The following ARHGEF12 variants were observed in gnomAD, a reference collection of about 807,000 sequenced individuals.
ARHGEF12 encodes Rho guanine nucleotide exchange factor 12, also known as KMT2A/ARHGEF12 fusion protein.
ARHGEF12 carries 66 observed loss-of-function variants against 211.2 expected under a neutral mutation model. The observed-to-expected ratio is 0.31, with a 90% CI of 0.26 to 0.38. The LOEUF is 0.38. ARHGEF12 is among the 10% of genes least tolerant of loss of function. The pLI is 1.00. For missense variants in ARHGEF12, 1,429 were observed against 1,869.5 expected, an observed-to-expected ratio of 0.76 and a Z score of 4.34; for synonymous variants, 592 against 638.4, an observed-to-expected ratio of 0.93 and a Z score of 1.09.
intron 1 of ARHGEF12, among the ~76,000 whole-genome samples, chr11:120,350,253 C>T (rs1014375789): frequency 5.9e-5 from 9 of 152,022 alleles, no homozygotes; most frequent in African/African-American, 1.9e-4. Context: ...CGGTGGCTCA[C>T]GCTTGTAATC....
In ARHGEF12 at chr11:120,336,446, G is replaced by A. The variant is rs866090955; in HGVS notation, c.-798G>A. On this transcript the variant is annotated 5_prime_UTR_variant, in exon 1 of 41. Coordinates refer to ENST00000397843, the MANE Select transcript of ARHGEF12 (RefSeq NM_015313.3). The stretch of plus-strand genomic sequence containing the variant: ...GCGAGCCGGCCCTGCGCCGGGAGAC[G>A]CCGCCGCCTCCGCCTCCCGGACCAG... Among the ~76,000 whole-genome samples, 1 of 151,508 alleles carries A rather than the reference G, an allele frequency of 6.6e-6. No individual in the cohort carries two copies. Among genetic ancestry groups the A allele is most frequent in the East Asian group, 1.9e-4 (1 of 5,136 alleles).
chr11:120,477,817 A>G (rs1439754954), intron 36 of ARHGEF12, among the ~76,000 whole-genome samples: 1 of 150,722 alleles, frequency 6.6e-6, no homozygotes, highest in African/African-American at 2.4e-5. Context: ...CGGTGAGCCG[A>G]GATCGTGCCA....
At chr11:120,394,459 G>T (rs1362144411) in intron 1 of ARHGEF12, among the ~76,000 whole-genome samples, 1 of 151,164 alleles carries the variant, frequency 6.6e-6, no homozygotes, top group East Asian at 2.0e-4. Flanking sequence ...GCCTCCCAAA[G>T]TACTGGGATT....
chr11:120,369,254 G>A (rs552356227), intron 1 of ARHGEF12, among the ~76,000 whole-genome samples: 15 of 149,468 alleles, frequency 1.0e-4, no homozygotes, highest in African/African-American at 2.7e-4. Flanking sequence ...TCAGCCTCCC[G>A]AGTAGCTGGG....
At chr11:120,357,309 T>G (rs1943157286) in intron 1 of ARHGEF12, among the ~76,000 whole-genome samples, 1 of 152,122 alleles carries the variant, frequency 6.6e-6, no homozygotes, top group African/African-American at 2.4e-5. Flanking sequence ...CTGCATGCAC[T>G]CTTAAACACT....
chr11:120,466,355 G>A (rs1946706395), intron 28 of ARHGEF12, among the ~76,000 whole-genome samples: 1 of 152,306 alleles, frequency 6.6e-6, no homozygotes, highest in Admixed American at 6.5e-5. Context: ...CTGCCATATG[G>A]CCCCATTAGG....
intron 4 of ARHGEF12, among the ~76,000 whole-genome samples, chr11:120,416,713 C>T (rs1327827075): frequency 6.6e-6 from 1 of 152,022 alleles, no homozygotes; most frequent in Non-Finnish European, 1.5e-5. Context: ...TGCAGTGGCG[C>T]GATCTCGGCT....
At chr11:120,484,401 A>G in intron 39 of ARHGEF12, 37 bp from the exon 40 acceptor site, 1 of 1,578,456 alleles carries the variant, frequency 6.3e-7, no homozygotes. Context: ...TTGTTTCATT[A>G]CGTTTGAATA....
intron 1 of ARHGEF12, among the ~76,000 whole-genome samples, chr11:120,382,862 C>T (rs1447112010): frequency 6.6e-6 from 1 of 152,268 alleles, no homozygotes; most frequent in African/African-American, 2.4e-5. Context: ...GTAAGGGGGC[C>T]GGGCGAGGCG....
intron 1 of ARHGEF12, among the ~76,000 whole-genome samples, chr11:120,361,512 A>G (rs1446832703): frequency 3.3e-5 from 5 of 152,188 alleles, no homozygotes; most frequent in Non-Finnish European, 7.4e-5. Flanking sequence ...GAGTGTGTCA[A>G]GTTATTTATT....
At chr11:120,337,951 C>T (rs1286713118) in intron 1 of ARHGEF12, 2 of 967,036 alleles carry the variant, frequency 2.1e-6, no homozygotes, top group Non-Finnish European at 2.5e-6. Flanking sequence ...AGATATAAGC[C>T]GTAAGCATAG....
Position 120,473,041 on chromosome 11 carries a change from A to C in ARHGEF12, c.2956-9A>C. On this transcript the variant is annotated splice_polypyrimidine_tract_variant and intron_variant, in intron 30 of 40. Transcript: ENST00000397843. ...CACTAACCTTGGTTCCACCCTGCCT[A>C]ATTTTCAGCGCCTAGAAGATTATCA... The C allele has an allele frequency of 6.2e-7, 1 of 1,613,258 alleles. No homozygotes were observed. The highest frequency in any genetic ancestry group is 1.3e-5 in the African/African-American group (1 of 75,024).
intron 1 of ARHGEF12, among the ~76,000 whole-genome samples, chr11:120,346,983 A>G (rs1244193692): frequency 6.6e-6 from 1 of 152,174 alleles, no homozygotes; most frequent in Non-Finnish European, 1.5e-5. Context: ...TACTATATAG[A>G]CTGACAGGTG....
chr11:120,356,803 C>T (rs543042339), intron 1 of ARHGEF12, among the ~76,000 whole-genome samples: 1 of 152,050 alleles, frequency 6.6e-6, no homozygotes, highest in Non-Finnish European at 1.5e-5. Context: ...AGGTAGTAAC[C>T]CAACCATTAA....
At chr11:120,424,989 A>G (rs1945295564) in intron 7 of ARHGEF12, among the ~76,000 whole-genome samples, 1 of 152,182 alleles carries the variant, frequency 6.6e-6, no homozygotes, top group Non-Finnish European at 1.5e-5. Flanking sequence ...TTCAGGTTTG[A>G]GTGAATAGCC....
chr11:120,417,039 C>A (rs1451260228), intron 4 of ARHGEF12, among the ~76,000 whole-genome samples: 1 of 152,164 alleles, frequency 6.6e-6, no homozygotes, highest in Non-Finnish European at 1.5e-5. Flanking sequence ...TCAACCTCCC[C>A]TTAATCATAA....
chr11:120,391,942 A>C (rs189059044), intron 1 of ARHGEF12, among the ~76,000 whole-genome samples: 10 of 152,340 alleles, frequency 6.6e-5, no homozygotes, highest in Admixed American at 5.9e-4. Context: ...AGACAAAATA[A>C]ACTGTAAACA....
chr11:120,340,376 C>G (rs1424746282), intron 1 of ARHGEF12, among the ~76,000 whole-genome samples: 1 of 152,112 alleles, frequency 6.6e-6, no homozygotes, highest in Non-Finnish European at 1.5e-5. Context: ...AATAAATGGA[C>G]TTTTGTTTTG....
chr11:120,337,154 G>C lies in ARHGEF12; in HGVS notation c.-90G>C. On this transcript the variant is annotated 5_prime_UTR_variant, in exon 1 of 41. Transcript: ENST00000397843. The stretch of plus-strand genomic sequence containing the variant: ...GGACTTTTGTGTCCCTGACGGAGTT[G>C]GGCCTGATCCCAGAGCACTGGGGGT... 6.7e-7 allele frequency: 1 copy of C among 1,500,720 alleles called. No homozygotes were observed. The highest frequency in any genetic ancestry group is 9.3e-7 in the Non-Finnish European group (1 of 1,077,414). 93.0% of individuals were successfully genotyped at this position (1,500,720 alleles called of 1,614,324 possible). A position where few individuals can be genotyped will look rare whatever the true frequency, so the allele number is the denominator to read the frequency against.
Sources: allele counts gnomAD v4.1 joint callset (sites outside exome capture counted in the v4.1 genomes callset), GRCh38; gene constraint gnomAD v4.1.1; transcripts MANE v1.5; gene names NCBI Gene and HGNC (gene_info 2026-07-23, HGNC 2026-07-21).